Variants in CSMD3 observed in about 807,000 individuals in gnomAD.
CSMD3 encodes the protein CUB and Sushi multiple domains 3, also known as CUB and sushi domain-containing protein 3.
CSMD3 carries 177 observed loss-of-function variants against 435.2 expected under a neutral mutation model. The ratio of observed to expected loss-of-function variants is 0.41; its 90% CI spans 0.36 to 0.46. The LOEUF (loss-of-function observed/expected upper bound fraction) is 0.46. Ranked by LOEUF, CSMD3 falls within the 20% of genes least tolerant of loss-of-function variation. CSMD3 has a pLI of 0.34. For missense variants in CSMD3, 4,265 were observed against 4,504.6 expected (o/e 0.95, Z 1.52); for synonymous variants, 1,656 against 1,520.5 (o/e 1.09, Z -2.07).
At chr8:112,631,949 T>C (rs1200482430) in intron 22 of CSMD3, among the ~76,000 whole-genome samples, 3 of 152,002 alleles carry the variant, frequency 2.0e-5, no homozygotes, top group East Asian at 1.9e-4. Flanking sequence ...TAATTTTCTT[T>C]CTACCAGGCC....
intron 13 of CSMD3, among the ~76,000 whole-genome samples, chr8:112,778,521 G>C (rs2078300910): frequency 6.6e-6 from 1 of 151,836 alleles, no homozygotes; most frequent in South Asian, 2.1e-4. Flanking sequence ...TATCCTCCAT[G>C]TCTTTTCATG....
chr8:112,841,448 C>T (rs1010364110), intron 11 of CSMD3, among the ~76,000 whole-genome samples: 1 of 151,828 alleles, frequency 6.6e-6, no homozygotes, highest in African/African-American at 2.4e-5. Flanking sequence ...TTTGACATTT[C>T]TAAGGGGCTT....
intron 1 of CSMD3, among the ~76,000 whole-genome samples, chr8:113,361,220 C>A (rs1020148215): frequency 3.9e-5 from 6 of 152,008 alleles, no homozygotes; most frequent in Non-Finnish European, 5.9e-5. Context: ...TCTTTATTGA[C>A]TAAAAACTTA....
chr8:112,941,783 T>C (rs530718437), intron 9 of CSMD3, among the ~76,000 whole-genome samples: 1 of 151,856 alleles, frequency 6.6e-6, no homozygotes, highest in East Asian at 1.9e-4. Context: ...TTAATTTTAA[T>C]AGAATTTATT....
chr8:112,607,382 C>G (rs1007782173), intron 22 of CSMD3, among the ~76,000 whole-genome samples: 1 of 151,996 alleles, frequency 6.6e-6, no homozygotes, highest in African/African-American at 2.4e-5. Context: ...CTGATAATTT[C>G]ATTGTAGAAT....
chr8:113,105,255 A>G (rs1470087118), intron 4 of CSMD3, among the ~76,000 whole-genome samples: 1 of 152,116 alleles, frequency 6.6e-6, no homozygotes, highest in Non-Finnish European at 1.5e-5. Context: ...GTGATCTAAG[A>G]GAGGAGAAAA....
In CSMD3 at chr8:112,255,240, T is replaced by G; in HGVS notation, c.10036+14A>C. On this transcript the variant is annotated intron_variant, in intron 62 of 70. Transcript: ENST00000297405. The stretch of plus-strand genomic sequence containing the variant: ...CACAGTTACTGTGCATAATCAGCCT[T>G]TAATTAATATTACCTATGCAGTGAG... The G allele has an allele frequency of 6.2e-7, 1 of 1,603,606 alleles. No homozygotes were observed. The highest frequency in any genetic ancestry group is 8.5e-7 in the Non-Finnish European group (1 of 1,170,566).
intron 13 of CSMD3, among the ~76,000 whole-genome samples, chr8:112,722,576 C>CGT (rs150216751): frequency 9.0e-4 from 135 of 150,194 alleles, no homozygotes; most frequent in Admixed American, 1.9e-3. Flanking sequence ...TGTGCGTTAG[C>CGT]GTGTGTGTGT....
At chr8:113,289,261 C>G (rs2093667543) in intron 2 of CSMD3, among the ~76,000 whole-genome samples, 1 of 151,794 alleles carries the variant, frequency 6.6e-6, no homozygotes, top group South Asian at 2.1e-4. Context: ...AGAATTCTTT[C>G]ACACACCACT....
At chr8:113,108,917 A>C (rs528856752) in intron 4 of CSMD3, among the ~76,000 whole-genome samples, 2 of 152,224 alleles carry the variant, frequency 1.3e-5, no homozygotes, top group Non-Finnish European at 2.9e-5. Context: ...GCAAATGTGC[A>C]TGTGTAAATT....
At chr8:112,229,846 C>G (rs998494969) in intron 69 of CSMD3, among the ~76,000 whole-genome samples, 1 of 147,580 alleles carries the variant, frequency 6.8e-6, no homozygotes, top group African/African-American at 2.5e-5. Context: ...GGAATACAGA[C>G]TGGAATCAGG....
intron 6 of CSMD3, among the ~76,000 whole-genome samples, chr8:112,976,545 T>C (rs545605757): frequency 2.6e-5 from 4 of 152,064 alleles, no homozygotes; most frequent in Non-Finnish European, 4.4e-5. Context: ...ATGCTTTGAA[T>C]AGTCTGCCAT....
At chr8:112,287,360 G>T in intron 57 of CSMD3, 114 bp from the exon 58 acceptor site, 2 of 888,716 alleles carry the variant, frequency 2.3e-6, no homozygotes, top group Non-Finnish European at 3.7e-6. Flanking sequence ...TTTTAGCACA[G>T]ATGGAGTAAA....
intron 27 of CSMD3, among the ~76,000 whole-genome samples, chr8:112,548,295 T>C (rs936520596): frequency 6.6e-6 from 1 of 152,130 alleles, no homozygotes; most frequent in Non-Finnish European, 1.5e-5. Flanking sequence ...GGACCTTTGA[T>C]GTGGTGCTTG....
At chr8:113,054,139 G>A (rs1353482764) in intron 5 of CSMD3, among the ~76,000 whole-genome samples, 1 of 151,816 alleles carries the variant, frequency 6.6e-6, no homozygotes, top group African/African-American at 2.4e-5. Context: ...TTTTTAATCT[G>A]GCTTAGAGTT....
At chr8:113,157,659 C>T (rs992962928) in intron 4 of CSMD3, among the ~76,000 whole-genome samples, 5 of 152,014 alleles carry the variant, frequency 3.3e-5, no homozygotes, top group Admixed American at 1.3e-4. Context: ...ACATTTTATA[C>T]GATTTCTATG....
chr8:112,480,645 C>T (rs539422754), intron 31 of CSMD3, among the ~76,000 whole-genome samples: 1 of 152,252 alleles, frequency 6.6e-6, no homozygotes, highest in South Asian at 2.1e-4. Context: ...CTTGCTTCCT[C>T]TCTTGCCATG....
chr8:112,784,899 C>T (rs1430904063), intron 13 of CSMD3, among the ~76,000 whole-genome samples: 1 of 151,910 alleles, frequency 6.6e-6, no homozygotes, highest in African/African-American at 2.4e-5. Flanking sequence ...GGTATATGTC[C>T]AAACTCATTC....
chr8:112,566,005 G>A (rs1586696328), intron 24 of CSMD3, among the ~76,000 whole-genome samples: 2 of 148,700 alleles, frequency 1.3e-5, no homozygotes, highest in African/African-American at 4.9e-5. Flanking sequence ...AAGTTTCTTT[G>A]GGAAGAATTG....
Sources: gnomAD v4.1 joint callset for allele counts (sites outside exome capture counted in the v4.1 genomes callset) on GRCh38, gnomAD v4.1.1 for gene constraint, MANE v1.5 for transcripts, NCBI Gene and HGNC (gene_info 2026-07-23, HGNC 2026-07-21) for gene names.